BANP: variants seen among roughly 807,000 people sequenced by gnomAD.
BANP encodes the protein BTG3 associated nuclear protein, also known as protein BANP.
Under a neutral mutation model 68.1 loss-of-function variants are expected in BANP, and 11 were observed. The ratio of observed to expected loss-of-function variants is 0.16; its 90% CI spans 0.10 to 0.27. The LOEUF is 0.27. Ranked by LOEUF, BANP falls within the 10% of genes least tolerant of loss-of-function variation. The pLI is 1.00. For missense variants in BANP, 504 were observed against 722.7 expected, an observed-to-expected ratio of 0.70 and a Z score of 3.47; for synonymous variants, 329 against 303.2, an observed-to-expected ratio of 1.09 and a Z score of -0.88.
At chr16:88,007,992 C>T (rs540008259) in intron 6 of BANP, among the ~76,000 whole-genome samples, 1 of 152,174 alleles carries the variant, frequency 6.6e-6, no homozygotes, top group African/African-American at 2.4e-5. Flanking sequence ...TTTTTTATTA[C>T]CCCCAGAAGA....
intron 11 of BANP, among the ~76,000 whole-genome samples, chr16:88,042,469 C>T (rs1440715912): frequency 1.3e-5 from 2 of 152,232 alleles, no homozygotes; most frequent in East Asian, 1.9e-4. Context: ...CCATGATGAC[C>T]AGTTTCCACT....
chr16:87,986,664 A>G (rs1441811659), intron 4 of BANP, among the ~76,000 whole-genome samples: 2 of 152,204 alleles, frequency 1.3e-5, no homozygotes, highest in East Asian at 1.9e-4. Context: ...TCATGAAAAC[A>G]TGTGATGTTA....
chr16:88,054,037 G>A (rs1227531043), intron 11 of BANP, among the ~76,000 whole-genome samples: 1 of 74,114 alleles, frequency 1.3e-5, no homozygotes, highest in Non-Finnish European at 3.5e-5. Flanking sequence ...CTCTACCACT[G>A]TCATCTCCAT....
In BANP at chr16:87,984,247, A is replaced by G. The variant is rs1028867837; in HGVS notation, c.350A>G (p.Asn117Ser). The G allele has an allele frequency of 4.4e-6, 7 of 1,588,484 alleles. No individual in the cohort carries two copies. The highest frequency in any genetic ancestry group is 6.0e-6 in the Non-Finnish European group (7 of 1,166,236). ...GSPLGATQTC[N>S]KVRCVVPQTT... ...CCTCTCGGGGCAACCCAGACGTGCA[A>G]CAAAGTGCGATGGTAAGAACAGACC... The change falls in exon 4 of 14, where the codon AAC (asparagine) becomes AGC (serine). Residue 117 changes from asparagine to serine, a missense_variant. By Grantham distance (46) the Asn-to-Ser change is conservative. Around this residue, in one of 3 missense-constraint regions of BANP, gnomAD observed 238 missense variants for 278.9 expected, o/e 0.85. Coordinates refer to ENST00000682872, the MANE Select transcript of BANP (RefSeq NM_001386991.1).
intron 13 of BANP, among the ~76,000 whole-genome samples, chr16:88,073,960 C>T (rs191239631): frequency 3.8e-4 from 58 of 152,340 alleles, no homozygotes; most frequent in African/African-American, 1.2e-3. Context: ...CTTAAGGGGC[C>T]GCTTTCCCTG....
chr16:88,051,216 C>A (rs2083192262), intron 11 of BANP, among the ~76,000 whole-genome samples: 1 of 152,202 alleles, frequency 6.6e-6, no homozygotes, highest in South Asian at 2.1e-4. Context: ...AGGCCGCAGA[C>A]CCCCTCGAAC....
At chr16:87,989,473 C>T (rs2065315449) in intron 4 of BANP, among the ~76,000 whole-genome samples, 3 of 152,262 alleles carry the variant, frequency 2.0e-5, no homozygotes, top group Admixed American at 1.3e-4. Flanking sequence ...TTTGTCTGTA[C>T]TTCGAAGCTG....
intron 9 of BANP, among the ~76,000 whole-genome samples, chr16:88,033,766 C>T (rs1179232476): frequency 2.6e-5 from 4 of 152,202 alleles, no homozygotes; most frequent in Admixed American, 2.0e-4. Context: ...TCCTGCCTTG[C>T]CCGTGCGGAG....
At position 88,064,924 on chromosome 16, in the gene BANP, T is replaced by G. The variant is rs1567922158; in HGVS notation, c.1312-343T>G. 6.6e-6 allele frequency among the ~76,000 whole-genome samples: 1 copy of G among 152,224 alleles called. No individual in the cohort carries two copies. Among genetic ancestry groups the G allele is most frequent in the Non-Finnish European group, 1.5e-5 (1 of 68,030 alleles). ...AGTCATAGAGGACATTTCATTTTTT[T>G]TCTCCTCCAATTTTGTTTTGGCTTT... is the stretch of plus-strand genomic sequence containing the variant. On this transcript the variant is annotated intron_variant, in intron 11 of 13. Transcript: ENST00000682872. The surrounding 1 kb of genome is among the most constrained non-coding windows in gnomAD (Gnocchi z 4.5).
At chr16:88,065,510 A>T (rs187295634) in intron 12 of BANP, among the ~76,000 whole-genome samples, 178 bp downstream of exon 12, 8 of 152,236 alleles carry the variant, frequency 5.3e-5, no homozygotes, top group African/African-American at 1.9e-4. Context: ...GTAACACCTA[A>T]ACAGGGCCCA....
At chr16:88,026,985 G>T (rs960736111) in intron 7 of BANP, among the ~76,000 whole-genome samples, 5 of 152,262 alleles carry the variant, frequency 3.3e-5, no homozygotes, top group Non-Finnish European at 7.3e-5. Context: ...GTTATCCAGG[G>T]GGATGGTGAA....
chr16:87,951,134 G>A (rs1013102931), upstream of BANP, among the ~76,000 whole-genome samples: 1 of 152,230 alleles, frequency 6.6e-6, no homozygotes, highest in African/African-American at 2.4e-5. Flanking sequence ...AGTTGAGGGA[G>A]CTAATGCGTA....
chr16:87,953,637 A>G (rs2057440836), intron 1 of BANP, among the ~76,000 whole-genome samples: 1 of 152,172 alleles, frequency 6.6e-6, no homozygotes, highest in South Asian at 2.1e-4. Flanking sequence ...CTCTTCACGG[A>G]CAAATTGAGT....
chr16:87,988,611 A>G (rs1158492677), intron 4 of BANP, among the ~76,000 whole-genome samples: 8 of 152,258 alleles, frequency 5.3e-5, no homozygotes, highest in Non-Finnish European at 1.0e-4. Context: ...TAAGTCACAG[A>G]GAGTATTACC....
At chr16:87,983,142 G>C (rs1201024424) in intron 3 of BANP, among the ~76,000 whole-genome samples, 1 of 152,190 alleles carries the variant, frequency 6.6e-6, no homozygotes, top group Non-Finnish European at 1.5e-5. Context: ...AAAGGAGAGA[G>C]AAAAGACGAA....
chr16:87,993,290 AC>A (rs1410464179), intron 4 of BANP, among the ~76,000 whole-genome samples: 38 of 152,340 alleles, frequency 2.5e-4, no homozygotes, highest in African/African-American at 8.7e-4. Flanking sequence ...TATGCCCATC[AC>A]CCAGTTAAGG....
chr16:88,035,588 G>T (rs2079143565), intron 10 of BANP, among the ~76,000 whole-genome samples, 194 bp downstream of exon 10: 1 of 152,234 alleles, frequency 6.6e-6, no homozygotes, highest in Non-Finnish European at 1.5e-5. Context: ...TCCCCCTCCT[G>T]TCCGTTGGTC....
rs749026758 is a variant in BANP, at chr16:88,065,247, C to G, written c.1312-20C>G. On this transcript the variant is annotated intron_variant, in intron 11 of 13. Transcript: ENST00000682872. The stretch of plus-strand genomic sequence containing the variant: ...CTTCTGGAGGCTCCAGGGGAAAATT[C>G]GTTTTCTTGCCTTTTCCAGCTTCTA... 3 of 731,676 alleles carry G rather than the reference C, an allele frequency of 4.1e-6. No homozygotes were observed. The South Asian group carries it at 4.3e-5, about 10-fold the overall frequency. 45.3% of individuals were successfully genotyped at this position (731,676 alleles called of 1,614,324 possible). A position where few individuals can be genotyped will look rare whatever the true frequency, so the allele number is the denominator to read the frequency against.
At chr16:87,996,917 G>C (rs149618705) in intron 4 of BANP, among the ~76,000 whole-genome samples, 1 of 152,088 alleles carries the variant, frequency 6.6e-6, no homozygotes, top group East Asian at 1.9e-4. Flanking sequence ...GGCTGGTTTT[G>C]CATGTACTTG....
Sources: allele counts gnomAD v4.1 joint callset (sites outside exome capture counted in the v4.1 genomes callset), GRCh38; gene constraint gnomAD v4.1.1; regional missense constraint gnomAD v4.1.1; non-coding constraint Gnocchi (gnomAD v3.1); transcripts MANE v1.5; gene names NCBI Gene and HGNC (gene_info 2026-07-23, HGNC 2026-07-21).